RNF14: variants seen among roughly 807,000 people sequenced by gnomAD.
The protein encoded by RNF14 is E3 ubiquitin-protein ligase RNF14.
In RNF14, 26 loss-of-function variants were observed where a neutral mutation model predicts 52.6. That is an observed-to-expected ratio of 0.49 (90% confidence interval 0.36 to 0.69). RNF14 has a LOEUF of 0.69. Ranked by LOEUF, RNF14 falls within the 30% of genes least tolerant of loss-of-function variation. The pLI is 0.00. For missense variants in RNF14, 404 were observed against 560.4 expected, an observed-to-expected ratio of 0.72 and a Z score of 2.82; for synonymous variants, 194 against 202.0, an observed-to-expected ratio of 0.96 and a Z score of 0.34.
At chr5:141,966,656 G>A (rs1191117254), upstream of RNF14, among the ~76,000 whole-genome samples, 1 of 152,156 alleles carries the variant, frequency 6.6e-6, no homozygotes, top group African/African-American at 2.4e-5. Context: ...TTATTAGAAG[G>A]CTGTCTTTAC....
At chr5:141,955,447 G>A (rs775992998), upstream of RNF14, 16 of 1,613,960 alleles carry the variant, frequency 9.9e-6, no homozygotes, top group Middle Eastern at 1.6e-4. The surrounding 1 kb of genome is among the most constrained non-coding windows in gnomAD (Gnocchi z 5.5). Flanking sequence ...TTCCATCATC[G>A]CCTCCTTGTC....
chr5:141,949,625 A>T, the RNF14 span: 594 of 1,590,196 alleles, frequency 3.7e-4, 1 homozygote, highest in Non-Finnish European at 4.8e-4. Context: ...GGACATTCCC[A>T]TATAGATTCA....
upstream of RNF14, chr5:141,955,932 A>G (rs764443234): frequency 1.2e-6 from 2 of 1,614,116 alleles, no homozygotes; most frequent in Non-Finnish European, 1.7e-6. The surrounding 1 kb of genome is among the most constrained non-coding windows in gnomAD (Gnocchi z 5.5). Flanking sequence ...CTTCATTTCC[A>G]CTGCGGATGC....
chr5:141,974,005 G>A (rs1754027249), intron 3 of RNF14, among the ~76,000 whole-genome samples: 1 of 152,208 alleles, frequency 6.6e-6, no homozygotes, highest in South Asian at 2.1e-4. Flanking sequence ...TCAGCCATGA[G>A]TCATTGGCTG....
chr5:141,986,437 T>G (rs915885168), intron 8 of RNF14, among the ~76,000 whole-genome samples: 2 of 152,228 alleles, frequency 1.3e-5, no homozygotes, highest in Non-Finnish European at 1.5e-5. Context: ...GAAGATAGAA[T>G]GGAGTGATGA....
chr5:141,986,563 C>G (rs1434089389), intron 8 of RNF14, among the ~76,000 whole-genome samples: 3 of 152,166 alleles, frequency 2.0e-5, no homozygotes, highest in Admixed American at 2.0e-4. Context: ...TGATACCTAT[C>G]CCTCATTATT....
intron 3 of RNF14, among the ~76,000 whole-genome samples, chr5:141,974,329 C>T (rs978961121): frequency 2.0e-5 from 3 of 152,122 alleles, no homozygotes; most frequent in African/African-American, 7.2e-5. Flanking sequence ...TATATTATAT[C>T]CTCAAACCTG....
chr5:141,971,838 G>A (rs1753813324), intron 2 of RNF14, among the ~76,000 whole-genome samples: 1 of 150,750 alleles, frequency 6.6e-6, no homozygotes, highest in South Asian at 2.1e-4. Flanking sequence ...AGTAGAGATG[G>A]GGTTTTGCTG....
Position 141,984,910 on chromosome 5 carries a change from C to A in RNF14, c.1344C>A (p.Asp448Glu), listed in dbSNP as rs777392165. 12 of 1,613,876 alleles carry A rather than the reference C, an allele frequency of 7.4e-6. No homozygotes were observed. The South Asian group carries it at 1.2e-4, about 16-fold the overall frequency. The change falls in exon 8 of 9, where the codon GAC (aspartate) becomes GAA (glutamate). Residue 448 changes from aspartate to glutamate, a missense_variant. Asp to Glu is a conservative substitution (Grantham distance 45, BLOSUM62 2). Transcript: ENST00000394520. ...SRANPYKHFN[D>E]PGSPCFNRLF... ...CAAACCCTTACAAACATTTCAATGA[C>A]CCTGGTTCACCATGTTTTAACCGGT...
chr5:141,985,508 T>TA (rs1755153727), intron 8 of RNF14, among the ~76,000 whole-genome samples: 1 of 152,220 alleles, frequency 6.6e-6, no homozygotes, highest in African/African-American at 2.4e-5. Flanking sequence ...AGTCTCTTAA[T>TA]ACAGAAAAGC....
At chr5:141,956,274 T>C (rs752360351), upstream of RNF14, 62 of 1,614,094 alleles carry the variant, frequency 3.8e-5, no homozygotes, top group Middle Eastern at 6.6e-4. Context: ...CGGCCATCTC[T>C]TCATAGTTCA....
upstream of RNF14, chr5:141,955,951 G>T (rs758513514): frequency 6.2e-7 from 1 of 1,614,168 alleles, no homozygotes; most frequent in Admixed American, 1.7e-5. The surrounding 1 kb of genome is among the most constrained non-coding windows in gnomAD (Gnocchi z 5.5). Flanking sequence ...GCTGTAGAGG[G>T]GCTCTCCATT....
At chr5:141,972,139 T>C (rs776913784) in intron 2 of RNF14, among the ~76,000 whole-genome samples, 1 of 152,166 alleles carries the variant, frequency 6.6e-6, no homozygotes, top group Non-Finnish European at 1.5e-5. Context: ...TTCCATAATA[T>C]CTATGCCTGT....
chr5:141,956,522 T>C (rs747119462), upstream of RNF14: 13 of 1,614,222 alleles, frequency 8.1e-6, no homozygotes, highest in Non-Finnish European at 1.1e-5. Flanking sequence ...CTGAGCTGTT[T>C]CTTGGCTGAT....
intron 6 of RNF14, 111 bp downstream of exon 6, chr5:141,980,462 A>G: frequency 1.2e-6 from 1 of 825,078 alleles, no homozygotes. Context: ...TTCATTTAGC[A>G]GATATTTCTG....
upstream of RNF14, chr5:141,955,385 A>C: frequency 6.2e-7 from 1 of 1,614,000 alleles, no homozygotes; most frequent in South Asian, 1.1e-5. This position sits in a 1 kb window ranked among gnomAD's most constrained non-coding sequence, Gnocchi z 5.5. Flanking sequence ...AGCGTCCTGT[A>C]CAGGGTCGGG....
chr5:141,957,348 G>A, upstream of RNF14: 2 of 1,613,802 alleles, frequency 1.2e-6, no homozygotes, highest in Non-Finnish European at 1.7e-6. The surrounding 1 kb of genome is among the most constrained non-coding windows in gnomAD (Gnocchi z 4.3). Context: ...AGGTGTGCAG[G>A]GTGTTAGGGC....
upstream of RNF14, chr5:141,958,093 A>G: frequency 1.9e-6 from 1 of 536,474 alleles, no homozygotes. Context: ...GAGACCCCCT[A>G]CTGGGGAACT....
chr5:141,958,344 G>A (rs561387876), exon 1 of RNF14: 16 of 158,818 alleles, frequency 1.0e-4, no homozygotes, highest in Admixed American at 9.4e-4. Flanking sequence ...TGAGGCCGGG[G>A]CTCCGGGGAC....
Sources: allele counts gnomAD v4.1 joint callset (sites outside exome capture counted in the v4.1 genomes callset), GRCh38; gene constraint gnomAD v4.1.1; non-coding constraint Gnocchi (gnomAD v3.1); transcripts MANE v1.5; gene names NCBI Gene and HGNC (gene_info 2026-07-23, HGNC 2026-07-21).